The following EYA3 variants were observed in gnomAD, a reference collection of about 807,000 sequenced individuals.
The protein encoded by EYA3 is protein phosphatase EYA3.
A neutral mutation model predicts 80.0 loss-of-function variants in EYA3; 39 were observed. The observed-to-expected ratio is 0.49, with a 90% CI of 0.38 to 0.64. EYA3 has a LOEUF of 0.64. Among genes scored for constraint, EYA3 ranks in the 30% least tolerant of loss-of-function variants. EYA3 has a pLI of 0.00. For synonymous variants in EYA3, 206 were observed against 232.8 expected, an observed-to-expected ratio of 0.88 and a Z score of 1.05; for missense variants, 523 against 676.1, an observed-to-expected ratio of 0.77 and a Z score of 2.51.
At chr1:28,007,337 C>CTTT (rs776771608) in intron 10 of EYA3, among the ~76,000 whole-genome samples, 2 of 131,628 alleles carry the variant, frequency 1.5e-5, no homozygotes, top group Admixed American at 1.5e-4. Flanking sequence ...TTCTTTCTTT[C>CTTT]TTTTTTTTTT....
intron 10 of EYA3, among the ~76,000 whole-genome samples, chr1:28,006,222 GA>G (rs924391853): frequency 1.4e-4 from 21 of 151,334 alleles, no homozygotes; most frequent in East Asian, 7.7e-4. Context: ...AGGCTTATTG[GA>G]AAAAAAAATT....
chr1:28,063,330 T>TGG (rs147515295), intron 1 of EYA3, among the ~76,000 whole-genome samples: 1 of 146,784 alleles, frequency 6.8e-6, no homozygotes, highest in South Asian at 2.1e-4. Context: ...TAATTTTTTT[T>TGG]GGGGGGGGAA....
At chr1:28,077,843 A>G (rs1016106601) in intron 1 of EYA3, among the ~76,000 whole-genome samples, 2 of 152,174 alleles carry the variant, frequency 1.3e-5, no homozygotes, top group African/African-American at 4.8e-5. Context: ...TATGTCATCA[A>G]TTCTCTAACA....
intron 1 of EYA3, among the ~76,000 whole-genome samples, chr1:28,069,808 T>C (rs1644960849): frequency 6.6e-6 from 1 of 152,224 alleles, no homozygotes; most frequent in Non-Finnish European, 1.5e-5. Flanking sequence ...CATATGTTAT[T>C]AAGGATTTTG....
intron 1 of EYA3, among the ~76,000 whole-genome samples, chr1:28,073,422 C>T (rs1254673020): frequency 6.6e-6 from 1 of 150,916 alleles, no homozygotes; most frequent in Non-Finnish European, 1.5e-5. Context: ...CTCAGCCTCC[C>T]GAGCAGCTGG....
intron 6 of EYA3, among the ~76,000 whole-genome samples, chr1:28,034,566 A>G (rs1643341696): frequency 6.6e-6 from 1 of 152,172 alleles, no homozygotes; most frequent in Non-Finnish European, 1.5e-5. Flanking sequence ...CACTATTATT[A>G]AACATAATTC....
At chr1:28,085,436 A>C (rs1213642680) in intron 1 of EYA3, among the ~76,000 whole-genome samples, 1 of 152,194 alleles carries the variant, frequency 6.6e-6, no homozygotes, top group East Asian at 1.9e-4. Context: ...CCAACAGAGC[A>C]AGGTTTTGTT....
Position 28,058,049 on chromosome 1 carries a change from T to C in EYA3, c.-23A>G. 1.9e-6 allele frequency: 3 copies of C among 1,566,718 alleles called. No individual in the cohort carries two copies. The highest frequency in any genetic ancestry group is 1.2e-5 in the South Asian group (1 of 83,434). ...CATGAGGACCAATATTTCTTTATTA[T>C]ACTTATGTGACTGGATTGCAAGTCT... On this transcript the variant is annotated 5_prime_UTR_variant, in exon 2 of 18. Coordinates refer to ENST00000373871, the MANE Select transcript of EYA3 (RefSeq NM_001990.4).
intron 1 of EYA3, among the ~76,000 whole-genome samples, chr1:28,062,372 T>C (rs996107876): frequency 6.6e-6 from 1 of 152,228 alleles, no homozygotes; most frequent in African/African-American, 2.4e-5. Context: ...CACACAATTT[T>C]GAATACTATT....
chr1:28,033,208 G>T (rs114680257), intron 6 of EYA3, among the ~76,000 whole-genome samples: 1 of 152,072 alleles, frequency 6.6e-6, no homozygotes, highest in African/African-American at 2.4e-5. Flanking sequence ...TCTTGATTTC[G>T]AAAGAAAGAA....
intron 12 of EYA3, among the ~76,000 whole-genome samples, chr1:27,997,786 G>A (rs745578482): frequency 1.4e-4 from 22 of 152,088 alleles, no homozygotes; most frequent in East Asian, 7.7e-4. Flanking sequence ...GTATCCTTAC[G>A]TAGGTTGTGC....
In EYA3 at chr1:28,013,087, A is replaced by T. The variant is rs1343017986; in HGVS notation, c.769+24T>A. ...GTTGGATGAAGTGACCTTAAGCCAA[A>T]GTTTTCAGAGCTGCGGTGCTTACCA... On this transcript the variant is annotated intron_variant, in intron 9 of 17. Coordinates refer to ENST00000373871, the MANE Select transcript of EYA3 (RefSeq NM_001990.4). The surrounding 1 kb of genome is among the most constrained non-coding windows in gnomAD (Gnocchi z 4.0). 1.3e-6 allele frequency: 2 copies of T among 1,597,334 alleles called. No homozygotes were observed. The highest frequency in any genetic ancestry group is 2.7e-5 in the African/African-American group (2 of 74,194).
intron 2 of EYA3, among the ~76,000 whole-genome samples, chr1:28,054,117 A>G (rs1644361969): frequency 6.6e-6 from 1 of 152,234 alleles, no homozygotes; most frequent in African/African-American, 2.4e-5. Flanking sequence ...CTAGAGGGGT[A>G]AAGGGTTTGA....
intron 1 of EYA3, among the ~76,000 whole-genome samples, chr1:28,066,318 G>T (rs1022377247): frequency 6.6e-6 from 1 of 152,014 alleles, no homozygotes; most frequent in East Asian, 1.9e-4. Context: ...AACTACAGAT[G>T]GTGGGGGTAC....
At chr1:28,044,329 C>T (rs1339012872) in intron 3 of EYA3, among the ~76,000 whole-genome samples, 1 of 152,166 alleles carries the variant, frequency 6.6e-6, no homozygotes, top group Non-Finnish European at 1.5e-5. Context: ...ATCTGTTCCC[C>T]GCTTTCTACA....
chr1:27,993,744 A>G (rs1315775078), intron 13 of EYA3, among the ~76,000 whole-genome samples, 184 bp from the exon 14 acceptor site: 2 of 152,162 alleles, frequency 1.3e-5, no homozygotes, highest in Admixed American at 6.5e-5. Context: ...TATTACTTCT[A>G]TCAAAGAAAG....
At chr1:28,026,209 G>A (rs1394265532) in intron 7 of EYA3, among the ~76,000 whole-genome samples, 1 of 152,200 alleles carries the variant, frequency 6.6e-6, no homozygotes, top group African/African-American at 2.4e-5. Flanking sequence ...AGAGCATTAA[G>A]AGAACCCTTG....
intron 11 of EYA3, among the ~76,000 whole-genome samples, chr1:28,003,305 AC>A (rs1475601032): frequency 1.5e-4 from 22 of 151,714 alleles, no homozygotes; most frequent in African/African-American, 5.1e-4. Context: ...AACAACAACA[AC>A]AACAACAACA....
intron 9 of EYA3, 70 bp from the exon 10 acceptor site, chr1:28,011,156 TA>T: frequency 6.7e-7 from 1 of 1,502,952 alleles, no homozygotes; most frequent in Non-Finnish European, 9.0e-7. Flanking sequence ...GGAAGAGGGT[TA>T]GTGGACTCTC....
Sources: allele counts gnomAD v4.1 joint callset (sites outside exome capture counted in the v4.1 genomes callset), GRCh38; gene constraint gnomAD v4.1.1; non-coding constraint Gnocchi (gnomAD v3.1); transcripts MANE v1.5; gene names NCBI Gene and HGNC (gene_info 2026-07-23, HGNC 2026-07-21).